The following NFKBIE variants were observed in gnomAD, a reference collection of about 807,000 sequenced individuals.
NFKBIE encodes NF-kappa-B inhibitor epsilon.
NFKBIE carries 11 observed loss-of-function variants against 31.6 expected under a neutral mutation model. That is an observed-to-expected ratio of 0.35 (90% CI 0.22 to 0.58). The LOEUF is 0.58. NFKBIE is among the 20% of genes least tolerant of loss of function. The pLI, the probability that NFKBIE is intolerant of heterozygous loss-of-function variation, is 0.83. For missense variants in NFKBIE, 354 were observed against 465.7 expected, an observed-to-expected ratio of 0.76 and a Z score of 2.21; for synonymous variants, 208 against 210.1, an observed-to-expected ratio of 0.99 and a Z score of 0.09.
At chr6:44,262,380 C>T (rs978307851) in intron 2 of NFKBIE, among the ~76,000 whole-genome samples, 180 bp downstream of exon 2, 8 of 152,200 alleles carry the variant, frequency 5.3e-5, no homozygotes, top group African/African-American at 1.9e-4. Context: ...AGTCCCCCAG[C>T]CCAGGATGCA....
rs772505580 is a variant in NFKBIE at position 44,260,558 on chromosome 6, G to T, written c.692-19C>A. The T allele has an allele frequency of 5.0e-6, 8 of 1,612,448 alleles. No individual in the cohort carries two copies. The African/African-American group carries it at 1.1e-4, about 22-fold the overall frequency. On this transcript the variant is annotated intron_variant, in intron 3 of 5. Transcript: ENST00000619360. The surrounding 1 kb of genome is among the most constrained non-coding windows in gnomAD (Gnocchi z 5.5). ...GCCAGACCTGGGATGGGGTGAGAGT[G>T]AGGGTGAGGGCTGCTGATCTGCATC...
chr6:44,261,709 C>T lies in NFKBIE; in HGVS notation c.608G>A (p.Cys203Tyr), dbSNP rs756999898. ...HVACQRQHLA[C>Y]ARCLLEGRPE... ...CCGCCCTTCCAGCAGGCAGCGGGCA[C>T]AGGCCAAGTGCTGGCGCTGGCAGGC... Residue 203 changes from cysteine to tyrosine, a missense_variant, in exon 3 of 6, where the codon TGT becomes TAT. Cys to Tyr is a radical substitution (Grantham distance 194). This residue lies in a region of NFKBIE where 183 missense variants were observed against 310.6 expected (regional missense o/e 0.59). Transcript: ENST00000619360. This position sits in a 1 kb window ranked among gnomAD's most constrained non-coding sequence, Gnocchi z 4.3. The T allele has an allele frequency of 6.2e-7, 1 of 1,614,164 alleles. No individual in the cohort carries two copies. Among genetic ancestry groups the T allele is most frequent in the South Asian group, 1.1e-5 (1 of 91,084 alleles).
rs28362190 is a variant in NFKBIE at position 44,259,066 on chromosome 6, G to A, written c.*153C>T. 6.2e-4 allele frequency: 410 copies of A among 659,898 alleles called. 1 individual carries two copies. Among genetic ancestry groups the A allele is most frequent in the African/African-American group, 5.9e-3 (328 of 55,356 alleles). The allele number at this position is 659,898 out of a possible 1,614,324, so 40.9% of individuals were successfully genotyped here. ...CTTCCACTTGCAGTCCCTCCTCCTC[G>A]GCTCAGGACTGTACTGGCTGGCCCC... On this transcript the variant is annotated 3_prime_UTR_variant, in exon 6 of 6. Transcript: ENST00000619360.
chr6:44,264,452 C>A (rs1202634624), intron 1 of NFKBIE, among the ~76,000 whole-genome samples: 1 of 152,148 alleles, frequency 6.6e-6, no homozygotes, highest in Admixed American at 6.5e-5. Context: ...GGCAGCCAGC[C>A]GCCTGTCTGT....
Position 44,261,803 on chromosome 6 carries a change from G to C in NFKBIE, c.514C>G (p.Arg172Gly). The change falls in exon 3 of 6, where the codon CGG becomes GGG. Residue 172 changes from arginine to glycine, a missense_variant. Arg to Gly is a moderately radical substitution (Grantham distance 125). This residue lies in a region of NFKBIE where 183 missense variants were observed against 310.6 expected (regional missense o/e 0.59). Transcript: ENST00000619360. This position sits in a 1 kb window ranked among gnomAD's most constrained non-coding sequence, Gnocchi z 4.3. ...AVHLDQPGAV[R>G]ALVLKGASRA... ...CTGGCCCCCTTCAGCACCAGTGCCC[G>C]AACTGCGCCCGGTTGGTCCAGATGT... 1 of 1,612,958 alleles carries C rather than the reference G, an allele frequency of 6.2e-7. No individual in the cohort carries two copies. Among genetic ancestry groups the C allele is most frequent in the Non-Finnish European group, 8.5e-7 (1 of 1,180,020 alleles).
chr6:44,259,786 C>G (rs562886262), intron 5 of NFKBIE, among the ~76,000 whole-genome samples: 26 of 152,136 alleles, frequency 1.7e-4, no homozygotes, highest in Non-Finnish European at 7.4e-5. Flanking sequence ...TCTCTGGGTT[C>G]TTATAGGCCT....
chr6:44,262,750 C>CT, intron 1 of NFKBIE, 88 bp from the exon 2 acceptor site: 1 of 954,042 alleles, frequency 1.0e-6, no homozygotes, highest in South Asian at 1.4e-5. Flanking sequence ...ACACATCAAA[C>CT]TTTAACTAGC....
At chr6:44,262,744 A>T in intron 1 of NFKBIE, 82 bp from the exon 2 acceptor site, 1 of 1,066,578 alleles carries the variant, frequency 9.4e-7, no homozygotes, top group Non-Finnish European at 1.4e-6. Flanking sequence ...GAAGGAACAC[A>T]TCAAACTTTA....
At position 44,265,519 on chromosome 6, in the gene NFKBIE, C is replaced by T; in HGVS notation, c.-173G>A. On this transcript the variant is annotated 5_prime_UTR_variant, in exon 1 of 6. Coordinates refer to ENST00000619360, the MANE Select transcript of NFKBIE (RefSeq NM_004556.3). ...GCCGGCGCGCAGCGAGGACAAGGTT[C>T]GGAGCGCTGGCCAGGTCCACCCAGC... The T allele has an allele frequency of 6.4e-7, 1 of 1,561,502 alleles. No homozygotes were observed. Among genetic ancestry groups the T allele is most frequent in the Non-Finnish European group, 8.7e-7 (1 of 1,155,318 alleles).
chr6:44,265,217 T>G lies in NFKBIE; in HGVS notation c.130A>C (p.Ser44Arg). Residue 44 changes from serine to arginine, a missense_variant, in exon 1 of 6, where the codon AGC becomes CGC. Physicochemically the swap from Ser to Arg is moderately radical, Grantham distance 110. Transcript: ENST00000619360. The part of the protein sequence containing the change: ...SAPASGPSDG[S>R]PQPCTHPPGP... ...GGAGGATGGGTGCAGGGCTGGGGGC[T>G]GCCGTCCGAGGGCCCGGAGGCTGGA... 6.4e-7 allele frequency: 1 copy of G among 1,552,124 alleles called. No homozygotes were observed. Among genetic ancestry groups the G allele is most frequent in the Admixed American group, 2.0e-5 (1 of 51,066 alleles).
At position 44,260,597 on chromosome 6, in the gene NFKBIE, T is replaced by A; in HGVS notation, c.692-58A>T. The A allele has an allele frequency of 5.2e-6, 8 of 1,535,792 alleles. No individual in the cohort carries two copies. Among genetic ancestry groups the A allele is most frequent in the Non-Finnish European group, 7.2e-6 (8 of 1,109,710 alleles). On this transcript the variant is annotated intron_variant, in intron 3 of 5. Coordinates refer to ENST00000619360, the MANE Select transcript of NFKBIE (RefSeq NM_004556.3). The surrounding 1 kb of genome is among the most constrained non-coding windows in gnomAD (Gnocchi z 5.5). ...CTGATCTGCATCCACCAACTCCCTC[T>A]CTTCTGGGACCTCCCTACCACTCAG...
rs912096543 is a variant in NFKBIE, at chr6:44,260,947, C to G, written c.692-408G>C. On this transcript the variant is annotated intron_variant, in intron 3 of 5. Transcript: ENST00000619360. This position sits in a 1 kb window ranked among gnomAD's most constrained non-coding sequence, Gnocchi z 5.5. ...CTTTTCTGAAAAGCCACCTAAGATCCTCATGCCCCCAGCCCTTTCTCAGGG... is the reference window on the plus strand; with the variant it reads ...CTTTTCTGAAAAGCCACCTAAGATCGTCATGCCCCCAGCCCTTTCTCAGGG... Among the ~76,000 whole-genome samples the G allele has an allele frequency of 6.6e-5, 10 of 152,144 alleles. No individual in the cohort carries two copies. In the East Asian group the frequency reaches 1.7e-3, roughly 26 times the overall value.
At position 44,259,232 on chromosome 6, in the gene NFKBIE, A is replaced by T; in HGVS notation, c.1073T>A (p.Leu358Gln). The change falls in exon 6 of 6, where the codon CTG becomes CAG. Residue 358 changes from leucine (L) to glutamine (Q), a missense_variant. Transcript: ENST00000619360. ...DDLKISGKLL[L>Q]CTD ...CCCTGCCTGGCTTCAGTCGGTACAC[A>T]GCAGCAGTTTCCCTGAGATCTTCAG... is the stretch of plus-strand genomic sequence containing the variant. 6.2e-7 allele frequency: 1 copy of T among 1,613,634 alleles called. No homozygotes were observed. Among genetic ancestry groups the T allele is most frequent in the Non-Finnish European group, 8.5e-7 (1 of 1,179,706 alleles).
At chr6:44,264,876 T>TGG in intron 1 of NFKBIE, 106 bp downstream of exon 1, 1 of 1,225,260 alleles carries the variant, frequency 8.2e-7, no homozygotes, top group Non-Finnish European at 1.1e-6. Context: ...GAAGAGCGAA[T>TGG]GGGGACTTGA....
Position 44,260,993 on chromosome 6 carries a change from C to T in NFKBIE, c.692-454G>A, listed in dbSNP as rs949770423. ...CAGGGGCCGCTTCCTTCTGTGCTCC[C>T]CTGGCCTTTTTGCTCTCCTTTCTAG... On this transcript the variant is annotated intron_variant, in intron 3 of 5. Coordinates refer to ENST00000619360, the MANE Select transcript of NFKBIE (RefSeq NM_004556.3). The surrounding 1 kb of genome is among the most constrained non-coding windows in gnomAD (Gnocchi z 5.5). 6.6e-6 allele frequency among the ~76,000 whole-genome samples: 1 copy of T among 152,130 alleles called. No homozygotes were observed. Among genetic ancestry groups the T allele is most frequent in the African/African-American group, 2.4e-5 (1 of 41,422 alleles).
chr6:44,262,150 G>A (rs1426471195), intron 2 of NFKBIE, among the ~76,000 whole-genome samples: 1 of 152,154 alleles, frequency 6.6e-6, no homozygotes, highest in Non-Finnish European at 1.5e-5. Flanking sequence ...CTCACCCTGT[G>A]AGGAGACCTC....
rs756837297 is a variant in NFKBIE at position 44,261,598 on chromosome 6, T to C, written c.691+28A>G. ...TATGCCCTCCTCATCCCACAGGCCCTAAGGGCAGTCTTAAAGACTGTCCAC... is the reference window on the plus strand; with the variant it reads ...TATGCCCTCCTCATCCCACAGGCCCCAAGGGCAGTCTTAAAGACTGTCCAC... On this transcript the variant is annotated intron_variant, in intron 3 of 5. Coordinates refer to ENST00000619360, the MANE Select transcript of NFKBIE (RefSeq NM_004556.3). The surrounding 1 kb of genome is among the most constrained non-coding windows in gnomAD (Gnocchi z 4.3). 3 of 1,608,260 alleles carry C rather than the reference T, an allele frequency of 1.9e-6. No individual in the cohort carries two copies. Among genetic ancestry groups the C allele is most frequent in the Non-Finnish European group, 1.7e-6 (2 of 1,175,382 alleles).
chr6:44,261,986 G>T lies in NFKBIE; in HGVS notation c.469-138C>A. 1 of 789,022 alleles carries T rather than the reference G, an allele frequency of 1.3e-6. No individual in the cohort carries two copies. Among genetic ancestry groups the T allele is most frequent in the Non-Finnish European group, 2.0e-6 (1 of 496,522 alleles). The allele number at this position is 789,022 out of a possible 1,614,324, so 48.9% of individuals were successfully genotyped here. A position where few individuals can be genotyped will look rare whatever the true frequency, so the allele number is the denominator to read the frequency against. ...AAAGGCCATAACCTGTTCTTCCAAG[G>T]AAATACTACCGAGCCCTTCCCCTGT... On this transcript the variant is annotated intron_variant, in intron 2 of 5. Transcript: ENST00000619360. This position sits in a 1 kb window ranked among gnomAD's most constrained non-coding sequence, Gnocchi z 4.3.
In NFKBIE at chr6:44,261,229, A is replaced by G. The variant is rs1781909357; in HGVS notation, c.691+397T>C. Among the ~76,000 whole-genome samples the G allele has an allele frequency of 6.6e-6, 1 of 152,086 alleles. No individual in the cohort carries two copies. ...TACAGCACTTACTTCCTTTTAACAT[A>G]TTACATAGTTCACTTCTTACATTTA... On this transcript the variant is annotated intron_variant, in intron 3 of 5. Transcript: ENST00000619360. This position sits in a 1 kb window ranked among gnomAD's most constrained non-coding sequence, Gnocchi z 4.3.
Sources: gnomAD v4.1 joint callset for allele counts (sites outside exome capture counted in the v4.1 genomes callset) on GRCh38, gnomAD v4.1.1 for gene constraint, gnomAD v4.1.1 regional missense constraint, Gnocchi (gnomAD v3.1) non-coding constraint, MANE v1.5 for transcripts, NCBI Gene and HGNC (gene_info 2026-07-23, HGNC 2026-07-21) for gene names.